Variants in FRMD6 observed in about 807,000 individuals in gnomAD.
FRMD6 encodes the protein FERM domain containing 6.
FRMD6 carries 37 observed loss-of-function variants against 73.2 expected under a neutral mutation model. The ratio of observed to expected loss-of-function variants is 0.51; its 90% CI spans 0.39 to 0.66. The LOEUF is 0.66. Among genes scored for constraint, FRMD6 ranks in the 30% least tolerant of loss-of-function variants. The probability of loss-of-function intolerance (pLI) is 0.00; values close to 1 mark genes in which losing one functional copy is unlikely to be tolerated. For synonymous variants in FRMD6, 273 were observed against 282.2 expected, an observed-to-expected ratio of 0.97 and a Z score of 0.33; for missense variants, 714 against 780.5, an observed-to-expected ratio of 0.91 and a Z score of 1.02.
intron 1 of FRMD6, among the ~76,000 whole-genome samples, chr14:51,678,159 A>G (rs577407694): frequency 1.3e-5 from 2 of 152,288 alleles, no homozygotes; most frequent in South Asian, 4.1e-4. Context: ...TTTTATAGAT[A>G]CGGAAGCTGA....
At chr14:51,590,000 G>A (rs893476452) in intron 2 of FRMD6, among the ~76,000 whole-genome samples, 14 of 151,006 alleles carry the variant, frequency 9.3e-5, no homozygotes, top group Middle Eastern at 3.4e-3. Flanking sequence ...CCTGTGAGGC[G>A]GAGATTGCAG....
upstream of FRMD6, among the ~76,000 whole-genome samples, chr14:51,488,304 G>C (rs959541614): frequency 6.6e-6 from 1 of 152,228 alleles, no homozygotes; most frequent in Non-Finnish European, 1.5e-5. Context: ...TGAGAGGAAG[G>C]GGTGATTCCC....
At chr14:51,464,009 T>C in the FRMD6 span, among the ~76,000 whole-genome samples, 1 of 152,118 alleles carries the variant, frequency 6.6e-6, no homozygotes, top group Admixed American at 6.5e-5. Context: ...GGGGTTTCGC[T>C]ATGTTGCCCA....
At chr14:51,569,499 CTTTCTTTCTT>C in intron 1 of FRMD6, among the ~76,000 whole-genome samples, 1 of 129,332 alleles carries the variant, frequency 7.7e-6, no homozygotes, top group Non-Finnish European at 1.6e-5. Context: ...TCTTTTCTTT[CTTTCTTTCTT>C]TTTTTTTTTT....
At chr14:51,724,724 G>GTT (rs1293342372) in intron 12 of FRMD6, among the ~76,000 whole-genome samples, 4 of 139,490 alleles carry the variant, frequency 2.9e-5, no homozygotes, top group Non-Finnish European at 1.6e-5. Context: ...TACTTAAAGG[G>GTT]TTTTTTGTTT....
intron 2 of FRMD6, among the ~76,000 whole-genome samples, chr14:51,614,115 A>G (rs1427297276): frequency 6.6e-6 from 1 of 152,144 alleles, no homozygotes; most frequent in African/African-American, 2.4e-5. Flanking sequence ...ATACACATGC[A>G]CACAAAATGT....
At chr14:51,556,610 T>C (rs559615736) in intron 1 of FRMD6, among the ~76,000 whole-genome samples, 1 of 152,300 alleles carries the variant, frequency 6.6e-6, no homozygotes, top group South Asian at 2.1e-4. Context: ...GCGACAGGGG[T>C]ATTGGCCTTA....
intron 1 of FRMD6, among the ~76,000 whole-genome samples, chr14:51,539,011 A>G (rs963622424): frequency 5.3e-5 from 8 of 151,998 alleles, no homozygotes; most frequent in Non-Finnish European, 5.9e-5. Flanking sequence ...ACTTTTATAT[A>G]TTGATCTTGT....
At chr14:51,696,145 G>A (rs1895930739) in intron 2 of FRMD6, among the ~76,000 whole-genome samples, 1 of 151,042 alleles carries the variant, frequency 6.6e-6, no homozygotes, top group Non-Finnish European at 1.5e-5. Flanking sequence ...TAATAATTAA[G>A]GTATTTTAAT....
chr14:51,413,679 TA>T, the FRMD6 span, among the ~76,000 whole-genome samples: 2 of 152,228 alleles, frequency 1.3e-5, no homozygotes, highest in African/African-American at 2.4e-5. Flanking sequence ...TACCCAGTAA[TA>T]GGATTGCTGG....
At chr14:51,649,581 T>C (rs1480030181), upstream of FRMD6, 1 of 152,204 alleles carries the variant, frequency 6.6e-6, no homozygotes, top group Non-Finnish European at 1.5e-5. Flanking sequence ...TGCCGGATTA[T>C]CTCAGTAGGT....
rs145281833 is a variant in FRMD6, at chr14:51,658,375, G to T, written c.-147+6379G>T. ...GGGCTTCCTAATGAGACTTTGGGTT[G>T]TAAGTATCAAGTAGGAGATCTCTTG... On this transcript the variant is annotated intron_variant, in intron 1 of 13. Transcript: ENST00000344768. Among the ~76,000 whole-genome samples, 1,128 of 151,874 alleles carry T rather than the reference G, an allele frequency of 7.4e-3. 12 individuals carry two copies. Among genetic ancestry groups the T allele is most frequent in the African/African-American group, 0.026 (1,080 of 41,384 alleles).
the FRMD6 span, among the ~76,000 whole-genome samples, chr14:51,429,774 G>A: frequency 6.6e-6 from 1 of 152,186 alleles, no homozygotes; most frequent in Non-Finnish European, 1.5e-5. Flanking sequence ...AAATAAGGAA[G>A]TTAGATTACT....
the FRMD6 span, among the ~76,000 whole-genome samples, chr14:51,405,365 A>C: frequency 5.9e-5 from 9 of 152,290 alleles, no homozygotes; most frequent in Middle Eastern, 3.4e-3. Flanking sequence ...ACTTTCCACA[A>C]TGGTTAAACT....
intron 3 of FRMD6, among the ~76,000 whole-genome samples, chr14:51,698,828 A>AT (rs758024724): frequency 8.7e-4 from 133 of 152,162 alleles, no homozygotes; most frequent in Admixed American, 1.4e-3. Context: ...TTCTCTCATA[A>AT]CACCTTAGTT....
intron 3 of FRMD6, among the ~76,000 whole-genome samples, chr14:51,699,870 G>A (rs1896191262): frequency 6.6e-6 from 1 of 152,010 alleles, no homozygotes; most frequent in Non-Finnish European, 1.5e-5. Context: ...TTTATTTCAT[G>A]TTTAATCAGT....
At position 51,728,037 on chromosome 14, in the gene FRMD6, C is replaced by G. The variant is rs369157465; in HGVS notation, c.*8C>G. ...CCAGAGTTTGTTGTGTAAAGTCCGT[C>G]TGTGTGCAGCTGTACAGGCAGCTTA... On this transcript the variant is annotated 3_prime_UTR_variant, in exon 14 of 14. Coordinates refer to ENST00000344768, the MANE Select transcript of FRMD6 (RefSeq NM_001267046.2). 36 of 1,598,862 alleles carry G rather than the reference C, an allele frequency of 2.3e-5. No individual in the cohort carries two copies. In the African/African-American group the frequency reaches 4.4e-4, roughly 20 times the overall value.
At chr14:51,632,641 G>C (rs1422304858) in intron 2 of FRMD6, among the ~76,000 whole-genome samples, 1 of 152,116 alleles carries the variant, frequency 6.6e-6, no homozygotes, top group Non-Finnish European at 1.5e-5. Flanking sequence ...CACCCATCCT[G>C]TCTTTCTAAG....
At chr14:51,573,601 G>A (rs1426770300) in intron 2 of FRMD6, among the ~76,000 whole-genome samples, 1 of 152,154 alleles carries the variant, frequency 6.6e-6, no homozygotes, top group East Asian at 1.9e-4. Context: ...AGTATTTTTG[G>A]TGCTCTGCTG....
Sources: allele counts gnomAD v4.1 joint callset (sites outside exome capture counted in the v4.1 genomes callset), GRCh38; gene constraint gnomAD v4.1.1; transcripts MANE v1.5; gene names NCBI Gene and HGNC (gene_info 2026-07-23, HGNC 2026-07-21).